TAFA2: variants seen among roughly 807,000 people sequenced by gnomAD.
TAFA2 encodes the protein TAFA chemokine like family member 2.
Under a neutral mutation model 18.8 loss-of-function variants are expected in TAFA2, and 7 were observed. That is an observed-to-expected ratio of 0.37 (90% CI 0.21 to 0.70). The LOEUF is 0.70. Ranked by LOEUF, TAFA2 falls within the 30% of genes least tolerant of loss-of-function variation. The probability of loss-of-function intolerance (pLI) is 0.53; values close to 1 mark genes in which losing one functional copy is unlikely to be tolerated. For synonymous variants in TAFA2, 60 were observed against 54.2 expected, an observed-to-expected ratio of 1.11 and a Z score of -0.47; for missense variants, 122 against 158.1, an observed-to-expected ratio of 0.77 and a Z score of 1.23.
At chr12:62,042,305 C>G (rs1383390922) in intron 1 of TAFA2, among the ~76,000 whole-genome samples, 1 of 152,022 alleles carries the variant, frequency 6.6e-6, no homozygotes, top group African/African-American at 2.4e-5. Context: ...TAGGTTCAAA[C>G]AGAAACAGCA....
chr12:62,144,932 A>G (rs971168513), intron 1 of TAFA2, among the ~76,000 whole-genome samples: 1 of 152,192 alleles, frequency 6.6e-6, no homozygotes, highest in Admixed American at 6.5e-5. Context: ...AACTACTTGT[A>G]ATCAGTTAAT....
At chr12:61,823,014 C>T (rs771699958) in intron 2 of TAFA2, among the ~76,000 whole-genome samples, 11 of 151,998 alleles carry the variant, frequency 7.2e-5, no homozygotes, top group Non-Finnish European at 1.2e-4. Context: ...TTTTATCAAA[C>T]ATAGGAAATA....
chr12:61,888,541 G>A (rs1232943093), intron 1 of TAFA2, among the ~76,000 whole-genome samples: 1 of 152,100 alleles, frequency 6.6e-6, no homozygotes, highest in African/African-American at 2.4e-5. Context: ...GGCAAAACAA[G>A]GATAACAAGT....
At chr12:62,074,252 A>T (rs577949654) in intron 1 of TAFA2, among the ~76,000 whole-genome samples, 39 of 152,352 alleles carry the variant, frequency 2.6e-4, no homozygotes, top group African/African-American at 9.1e-4. Context: ...AGCCAGCATG[A>T]CTGCACAGGC....
intron 1 of TAFA2, among the ~76,000 whole-genome samples, chr12:62,072,241 G>A (rs1882650216): frequency 6.6e-6 from 1 of 151,922 alleles, no homozygotes. Flanking sequence ...GAGGCGGGCG[G>A]ATCACAAGGT....
At chr12:62,174,189 GCCTGTAGTCCCAGCTACTCA>G (rs2062497032) in intron 1 of TAFA2, among the ~76,000 whole-genome samples, 2 of 152,060 alleles carry the variant, frequency 1.3e-5, no homozygotes, top group Non-Finnish European at 2.9e-5. Context: ...CTACTCACAC[GCCTGTAGTCCCAGCTACTCA>G]GGAGGCTGAG....
chr12:62,155,841 T>C (rs112696980), intron 1 of TAFA2, among the ~76,000 whole-genome samples: 7,724 of 152,252 alleles, frequency 0.051, 276 homozygotes, highest in Non-Finnish European at 0.075. Context: ...TATGAAAATC[T>C]TAGAAGATAA....
intron 1 of TAFA2, among the ~76,000 whole-genome samples, chr12:61,942,434 T>A (rs376839835): frequency 2.6e-5 from 4 of 151,108 alleles, no homozygotes; most frequent in Non-Finnish European, 4.4e-5. Context: ...TCACCAGCAA[T>A]GGAACAAAGC....
intron 1 of TAFA2, among the ~76,000 whole-genome samples, chr12:62,038,371 C>T (rs1881667075): frequency 1.3e-5 from 2 of 152,108 alleles, no homozygotes; most frequent in South Asian, 4.1e-4. Context: ...TGTCTGCAGG[C>T]TCTGCATCCA....
chr12:61,804,713 C>T (rs1592400109), intron 2 of TAFA2, among the ~76,000 whole-genome samples: 2 of 152,054 alleles, frequency 1.3e-5, no homozygotes, highest in African/African-American at 2.4e-5. Context: ...TTTCTGGCTC[C>T]CATTATTTTA....
intron 1 of TAFA2, among the ~76,000 whole-genome samples, chr12:62,048,706 T>C (rs1881972776): frequency 6.6e-6 from 1 of 152,214 alleles, no homozygotes; most frequent in South Asian, 2.1e-4. Context: ...ATAAGCCTTA[T>C]GATAAGTAAG....
At chr12:62,063,338 T>C (rs1882401852) in intron 1 of TAFA2, among the ~76,000 whole-genome samples, 1 of 152,334 alleles carries the variant, frequency 6.6e-6, no homozygotes, top group East Asian at 1.9e-4. Context: ...ATAACCATAA[T>C]AATTGGGCTA....
intron 4 of TAFA2, among the ~76,000 whole-genome samples, chr12:61,728,717 T>C (rs1870294834): frequency 6.6e-6 from 1 of 152,048 alleles, no homozygotes; most frequent in Non-Finnish European, 1.5e-5. Context: ...TATTTAACAT[T>C]TAGGCCATAT....
At chr12:61,898,317 G>A (rs1875944354) in intron 1 of TAFA2, among the ~76,000 whole-genome samples, 1 of 152,218 alleles carries the variant, frequency 6.6e-6, no homozygotes, top group Non-Finnish European at 1.5e-5. Flanking sequence ...TCTTCTCACA[G>A]CTCCACTAGG....
chr12:61,986,604 G>A (rs944639153), intron 1 of TAFA2, among the ~76,000 whole-genome samples: 5 of 150,552 alleles, frequency 3.3e-5, no homozygotes, highest in African/African-American at 1.2e-4. Flanking sequence ...CGGTCCAAAC[G>A]ATCTAAGTTC....
chr12:61,803,534 T>C (rs543882703), intron 2 of TAFA2, among the ~76,000 whole-genome samples: 3 of 152,052 alleles, frequency 2.0e-5, no homozygotes, highest in Admixed American at 6.6e-5. Flanking sequence ...ACAATAATTG[T>C]ACAGCTTATG....
intron 1 of TAFA2, among the ~76,000 whole-genome samples, chr12:62,016,641 T>G (rs1035185611): frequency 6.6e-6 from 1 of 152,122 alleles, no homozygotes; most frequent in Non-Finnish European, 1.5e-5. Context: ...TAATATAAAA[T>G]GTAAGGCATA....
intron 2 of TAFA2, among the ~76,000 whole-genome samples, chr12:61,851,449 G>A (rs1014883873): frequency 1.3e-5 from 2 of 152,094 alleles, no homozygotes; most frequent in Non-Finnish European, 1.5e-5. Context: ...CACAAATCAT[G>A]CAGGGCTTTG....
intron 1 of TAFA2, among the ~76,000 whole-genome samples, chr12:61,941,778 C>T (rs1878030315): frequency 6.6e-6 from 1 of 152,228 alleles, no homozygotes; most frequent in Non-Finnish European, 1.5e-5. Context: ...GAGACTATAT[C>T]CCACACCTGG....
Sources: gnomAD v4.1 joint callset for allele counts (sites outside exome capture counted in the v4.1 genomes callset) on GRCh38, gnomAD v4.1.1 for gene constraint, MANE v1.5 for transcripts, NCBI Gene and HGNC (gene_info 2026-07-23, HGNC 2026-07-21) for gene names.